PHTF2: variants seen among roughly 807,000 people sequenced by gnomAD.
PHTF2 encodes the protein protein PHTF2.
PHTF2 carries 60 observed loss-of-function variants against 101.2 expected under a neutral mutation model. The observed-to-expected ratio is 0.59, with a 90% CI of 0.48 to 0.73. PHTF2 has a LOEUF of 0.73. PHTF2 is among the 30% of genes least tolerant of loss of function. The pLI is 0.00. For synonymous variants in PHTF2, 311 were observed against 307.3 expected, an observed-to-expected ratio of 1.01 and a Z score of -0.13; for missense variants, 747 against 908.7, an observed-to-expected ratio of 0.82 and a Z score of 2.29.
chr7:77,894,170 G>A (rs1421450311), intron 5 of PHTF2, among the ~76,000 whole-genome samples, 177 bp downstream of exon 4: 1 of 152,160 alleles, frequency 6.6e-6, no homozygotes, highest in Non-Finnish European at 1.5e-5. Flanking sequence ...AAATGTTTTT[G>A]TAGTAGGCAT....
chr7:77,951,200 A>G (rs2150997713), intron 17 of PHTF2, among the ~76,000 whole-genome samples: 1 of 152,348 alleles, frequency 6.6e-6, no homozygotes, highest in African/African-American at 2.4e-5. Context: ...ACACTTTGGG[A>G]GGCTGAGATG....
At chr7:77,920,459 T>C (rs975391214) in exon 10 of PHTF2, 6 of 1,611,256 alleles carry the variant, frequency 3.7e-6, no homozygotes, top group East Asian at 2.2e-5. Flanking sequence ...GGAATGGTCC[T>C]AGCAAAGTAC....
At chr7:77,924,204 G>A (rs867070599) in intron 11 of PHTF2, 18 of 801,050 alleles carry the variant, frequency 2.2e-5, no homozygotes, top group South Asian at 5.7e-5. Context: ...GCTCTTTTGC[G>A]TTTTTATTTA....
At chr7:77,903,854 T>C (rs904130872) in intron 7 of PHTF2, among the ~76,000 whole-genome samples, 1 of 152,240 alleles carries the variant, frequency 6.6e-6, no homozygotes, top group Admixed American at 6.5e-5. Flanking sequence ...AGTTATGTCC[T>C]CATTCTTGTT....
At chr7:77,937,797 G>T (rs1805279023) in exon 13 of PHTF2, 4 of 1,550,474 alleles carry the variant, frequency 2.6e-6, no homozygotes, top group Non-Finnish European at 3.5e-6. Flanking sequence ...TAAGAAAGCA[G>T]ACATGTCTGT....
intron 12 of PHTF2, among the ~76,000 whole-genome samples, chr7:77,931,396 T>A (rs1804551711): frequency 6.6e-6 from 1 of 152,128 alleles, no homozygotes; most frequent in South Asian, 2.1e-4. Context: ...TACAGATGAA[T>A]AAGTAAAAGA....
chr7:77,816,844 T>C (rs1243397513), intron 1 of PHTF2, among the ~76,000 whole-genome samples: 4 of 152,240 alleles, frequency 2.6e-5, no homozygotes, highest in Non-Finnish European at 4.4e-5. Flanking sequence ...TTCCTGGCTT[T>C]TTTCGCTTAA....
At chr7:77,947,921 C>T (rs1037469937) in intron 16 of PHTF2, among the ~76,000 whole-genome samples, 2 of 142,366 alleles carry the variant, frequency 1.4e-5, no homozygotes, top group African/African-American at 5.3e-5. Flanking sequence ...TCACTGTAGC[C>T]TCTGCCTCCC....
intron 17 of PHTF2, among the ~76,000 whole-genome samples, chr7:77,950,607 A>T (rs1417934262): frequency 6.6e-6 from 1 of 152,114 alleles, no homozygotes; most frequent in Non-Finnish European, 1.5e-5. Context: ...GTGAGCTGAG[A>T]TTGTGCCACT....
intron 7 of PHTF2, among the ~76,000 whole-genome samples, chr7:77,904,738 C>T (rs1801701279): frequency 6.6e-6 from 1 of 152,224 alleles, no homozygotes; most frequent in African/African-American, 2.4e-5. Flanking sequence ...CCTTTACTAC[C>T]TCCTTATAGG....
chr7:77,937,691 A>G lies in PHTF2; in HGVS notation c.1339-19A>G. Reference sequence around the variant, plus strand: ...TTAAATGTGATCTATATATTTACTAATTTTTTTTTTTTTTATAGAGTCATT... The same window carrying G: ...TTAAATGTGATCTATATATTTACTAGTTTTTTTTTTTTTTATAGAGTCATT... On this transcript the variant is annotated intron_variant, in intron 12 of 19. Transcript: ENST00000416283. The G allele has an allele frequency of 1.1e-6, 1 of 895,440 alleles. No individual in the cohort carries two copies. The highest frequency in any genetic ancestry group is 4.0e-5 in the Admixed American group (1 of 24,914). The allele number at this position is 895,440 out of a possible 1,614,324, so 55.5% of individuals were successfully genotyped here. A position where few individuals can be genotyped will look rare whatever the true frequency, so the allele number is the denominator to read the frequency against.
chr7:77,930,017 G>A (rs897016795), intron 12 of PHTF2, among the ~76,000 whole-genome samples: 1 of 141,912 alleles, frequency 7.0e-6, no homozygotes, highest in South Asian at 2.2e-4. Flanking sequence ...ACAATGGCAC[G>A]ATCTTGACTC....
chr7:77,821,416 A>T (rs1351030435), intron 1 of PHTF2, among the ~76,000 whole-genome samples: 1 of 152,234 alleles, frequency 6.6e-6, no homozygotes, highest in African/African-American at 2.4e-5. Context: ...TTATTTCATT[A>T]AATATGTTTC....
chr7:77,839,011 A>G (rs1795671897), intron 1 of PHTF2, among the ~76,000 whole-genome samples: 1 of 151,984 alleles, frequency 6.6e-6, no homozygotes, highest in African/African-American at 2.4e-5. Context: ...GCATGCTCCC[A>G]CTCATGCATG....
intron 2 of PHTF2, among the ~76,000 whole-genome samples, chr7:77,850,872 G>A (rs1360560963): frequency 1.3e-5 from 2 of 151,804 alleles, no homozygotes; most frequent in East Asian, 1.9e-4. Flanking sequence ...TATTATGAAG[G>A]GATGTTGATT....
At chr7:77,869,445 A>T (rs770912183) in intron 3 of PHTF2, among the ~76,000 whole-genome samples, 14 of 151,942 alleles carry the variant, frequency 9.2e-5, no homozygotes, top group African/African-American at 3.4e-4. Flanking sequence ...ATTACTCTCT[A>T]CCTCCATGAG....
intron 8 of PHTF2, 164 bp downstream of exon 7, chr7:77,909,122 T>C (rs1802129609): frequency 2.0e-6 from 1 of 501,396 alleles, no homozygotes; most frequent in Non-Finnish European, 3.5e-6. Flanking sequence ...TTAGTTTCCA[T>C]ATTTGCTTCA....
chr7:77,846,721 C>T (rs1796333987), intron 2 of PHTF2, among the ~76,000 whole-genome samples: 1 of 151,252 alleles, frequency 6.6e-6, no homozygotes, highest in Non-Finnish European at 1.5e-5. Flanking sequence ...TGGCTTACTG[C>T]AGTCTCCAAC....
intron 1 of PHTF2, among the ~76,000 whole-genome samples, chr7:77,834,171 A>G (rs1470716239): frequency 6.6e-6 from 1 of 152,042 alleles, no homozygotes; most frequent in African/African-American, 2.4e-5. Flanking sequence ...AAAATTAGCC[A>G]GGCATCATGG....
Sources: allele counts gnomAD v4.1 joint callset (sites outside exome capture counted in the v4.1 genomes callset), GRCh38; gene constraint gnomAD v4.1.1; transcripts MANE v1.5; gene names NCBI Gene and HGNC (gene_info 2026-07-23, HGNC 2026-07-21).